CBFA2T2: variants seen among roughly 807,000 people sequenced by gnomAD.
CBFA2T2 encodes protein CBFA2T2.
Under a neutral mutation model 62.2 loss-of-function variants are expected in CBFA2T2, and 11 were observed. The observed-to-expected ratio is 0.18, with a 90% CI of 0.11 to 0.29. CBFA2T2 has a LOEUF of 0.29. CBFA2T2 is among the 10% of genes least tolerant of loss of function. CBFA2T2 has a pLI of 1.00. For synonymous variants in CBFA2T2, 295 were observed against 287.5 expected (o/e 1.03, Z -0.27); for missense variants, 592 against 774.1 (o/e 0.76, Z 2.79).
intron 5 of CBFA2T2, among the ~76,000 whole-genome samples, chr20:33,624,236 T>TAAAAAAAAA (rs373462820): frequency 4.3e-5 from 3 of 69,992 alleles, no homozygotes; most frequent in African/African-American, 8.7e-5. Context: ...TTTTTAAAAG[T>TAAAAAAAAA]AAAAAAAAAA....
At chr20:33,588,933 C>G (rs1327729026) in intron 1 of CBFA2T2, among the ~76,000 whole-genome samples, 1 of 151,756 alleles carries the variant, frequency 6.6e-6, no homozygotes, top group Admixed American at 6.6e-5. Context: ...CAGAGTGAGA[C>G]TTCCCCTCAA....
At chr20:33,535,618 T>A (rs1211459445) in intron 1 of CBFA2T2, among the ~76,000 whole-genome samples, 3 of 144,042 alleles carry the variant, frequency 2.1e-5, no homozygotes, top group African/African-American at 8.3e-5. Flanking sequence ...ATTTTTTTAT[T>A]TTTTCTTTTT....
At chr20:33,553,356 AGCTGGGACTACAGGT>A (rs2146886490) in intron 1 of CBFA2T2, among the ~76,000 whole-genome samples, 1 of 152,260 alleles carries the variant, frequency 6.6e-6, no homozygotes, top group South Asian at 2.1e-4. Flanking sequence ...CCTCCCGAGT[AGCTGGGACTACAGGT>A]GCACGCCACT....
intron 1 of CBFA2T2, among the ~76,000 whole-genome samples, chr20:33,528,647 T>G (rs1395438629): frequency 6.6e-6 from 1 of 152,034 alleles, no homozygotes; most frequent in Non-Finnish European, 1.5e-5. Context: ...TTTTTGCCAG[T>G]TATATATACA....
At chr20:33,535,117 C>A (rs2012170749) in intron 1 of CBFA2T2, among the ~76,000 whole-genome samples, 1 of 152,344 alleles carries the variant, frequency 6.6e-6, no homozygotes, top group Non-Finnish European at 1.5e-5. Context: ...CATTTATGCA[C>A]ATGCCTCTTT....
chr20:33,519,529 A>T (rs140872393), intron 1 of CBFA2T2, among the ~76,000 whole-genome samples: 12 of 152,240 alleles, frequency 7.9e-5, no homozygotes, highest in African/African-American at 2.6e-4. Flanking sequence ...TTATATGCAA[A>T]TATTATACCA....
intron 1 of CBFA2T2, among the ~76,000 whole-genome samples, chr20:33,545,439 C>CTCTCTCTTTCTTTCTTTCTT (rs1555833711): frequency 6.8e-6 from 1 of 148,146 alleles, no homozygotes; most frequent in South Asian, 2.2e-4. Flanking sequence ...CTCTTTCTTT[C>CTCTCTCTTTCTTTCTTTCTT]TCTTTCTTTC....
At chr20:33,560,305 T>C (rs1272474322) in intron 1 of CBFA2T2, among the ~76,000 whole-genome samples, 1 of 152,230 alleles carries the variant, frequency 6.6e-6, no homozygotes, top group Non-Finnish European at 1.5e-5. Context: ...CAGCAGCATC[T>C]TTGGATTCAT....
At position 33,619,503 on chromosome 20, in the gene CBFA2T2, A is replaced by ATTTATC; in HGVS notation, c.421-10_421-5dup. On this transcript the variant is annotated splice_polypyrimidine_tract_variant and intron_variant, in intron 3 of 10. Coordinates refer to ENST00000342704, the MANE Select transcript of CBFA2T2 (RefSeq NM_001032999.3). ...CCAGTTTTGGAAGTTGAACAAGGTTATTTATCTTTTCAGAACTCAACAGTG... is the reference window on the plus strand; with the variant it reads ...CCAGTTTTGGAAGTTGAACAAGGTTATTTATCTTTATCTTTTCAGAACTCAACAGTG... The ATTTATC allele has an allele frequency of 6.5e-7, 1 of 1,531,770 alleles. No individual in the cohort carries two copies. Among genetic ancestry groups the ATTTATC allele is most frequent in the Non-Finnish European group, 8.8e-7 (1 of 1,133,586 alleles). The allele number at this position is 1,531,770 out of a possible 1,614,324, so 94.9% of individuals were successfully genotyped here.
chr20:33,505,542 G>C lies in CBFA2T2; in HGVS notation c.34+15241G>C, dbSNP rs972404691. Among the ~76,000 whole-genome samples, 10 of 152,290 alleles carry C rather than the reference G, an allele frequency of 6.6e-5. No individual in the cohort carries two copies. The East Asian group carries it at 1.7e-3, about 27-fold the overall frequency. ...CTCACGCCTGTAATCCCAGCACTTA[G>C]GGAGGCCGAGGCGGGTGAATCACTG... On this transcript the variant is annotated intron_variant, in intron 1 of 10. Coordinates refer to ENST00000342704, the MANE Select transcript of CBFA2T2 (RefSeq NM_001032999.3).
At chr20:33,493,915 C>T (rs2011168195) in intron 1 of CBFA2T2, among the ~76,000 whole-genome samples, 1 of 151,782 alleles carries the variant, frequency 6.6e-6, no homozygotes, top group African/African-American at 2.4e-5. Context: ...CGAAGTTTTG[C>T]TCTTGTTGCC....
intron 3 of CBFA2T2, among the ~76,000 whole-genome samples, chr20:33,616,987 G>A (rs1264431382): frequency 6.6e-6 from 1 of 152,160 alleles, no homozygotes; most frequent in African/African-American, 2.4e-5. Flanking sequence ...CCCAGAATTT[G>A]GAAGGCCCAG....
intron 1 of CBFA2T2, among the ~76,000 whole-genome samples, chr20:33,501,671 C>T (rs2011284825): frequency 1.0e-5 from 1 of 98,978 alleles, no homozygotes; most frequent in Admixed American, 1.6e-4. Flanking sequence ...GAGGGAGTCT[C>T]ACTTTGTCGC....
At chr20:33,642,116 TTGTGTGTGTGTGTGTGTGTGTGTGTG>T (rs869240464) in intron 10 of CBFA2T2, among the ~76,000 whole-genome samples, 1 of 59,012 alleles carries the variant, frequency 1.7e-5, no homozygotes, top group Admixed American at 1.2e-4. Flanking sequence ...TTTTTTTTTT[TTGTGTGTGTGTGTGTGTGTGTGTGTG>T]TGTGTGTGTG....
At chr20:33,562,321 A>T in intron 1 of CBFA2T2, 1 of 956,162 alleles carries the variant, frequency 1.0e-6, no homozygotes, top group Non-Finnish European at 1.2e-6. Flanking sequence ...GAGCCCTGGT[A>T]ACAGGGAGGG....
At chr20:33,643,746 A>C (rs1473009126) in intron 10 of CBFA2T2, among the ~76,000 whole-genome samples, 1 of 84,352 alleles carries the variant, frequency 1.2e-5, no homozygotes, top group Non-Finnish European at 2.4e-5. Context: ...GCAAAACCTC[A>C]TCTCTACTAT....
intron 1 of CBFA2T2, among the ~76,000 whole-genome samples, chr20:33,590,552 A>G (rs2014573934): frequency 6.6e-6 from 1 of 152,156 alleles, no homozygotes; most frequent in South Asian, 2.1e-4. Flanking sequence ...AAGAACTCTT[A>G]CCAACTGATG....
intron 1 of CBFA2T2, among the ~76,000 whole-genome samples, chr20:33,530,522 A>T (rs990102845): frequency 6.6e-6 from 1 of 152,054 alleles, no homozygotes; most frequent in Non-Finnish European, 1.5e-5. Context: ...GGTTCATGCA[A>T]TTCTCCTGCT....
chr20:33,600,500 C>T (rs573543423), intron 1 of CBFA2T2: 9 of 416,030 alleles, frequency 2.2e-5, no homozygotes, highest in South Asian at 1.3e-4. Context: ...GAAATTCTTA[C>T]CATATGACAA....
Sources: gnomAD v4.1 joint callset for allele counts (sites outside exome capture counted in the v4.1 genomes callset) on GRCh38, gnomAD v4.1.1 for gene constraint, MANE v1.5 for transcripts, NCBI Gene and HGNC (gene_info 2026-07-23, HGNC 2026-07-21) for gene names.